DNER: variants seen among roughly 807,000 people sequenced by gnomAD.
The protein encoded by DNER is delta/notch like EGF repeat containing, also known as delta and Notch-like epidermal growth factor-related receptor.
In DNER, 33 loss-of-function variants were observed where a neutral mutation model predicts 78.2. The ratio of observed to expected loss-of-function variants is 0.42; its 90% CI spans 0.32 to 0.56. DNER has a LOEUF of 0.56. DNER is among the 20% of genes least tolerant of loss of function. The pLI is 0.11. For synonymous variants in DNER, 417 were observed against 384.8 expected (o/e 1.08, Z -0.98); for missense variants, 918 against 975.3 (o/e 0.94, Z 0.78).
intron 9 of DNER, among the ~76,000 whole-genome samples, chr2:229,408,658 A>G (rs920241964): frequency 6.6e-6 from 1 of 152,190 alleles, no homozygotes; most frequent in African/African-American, 2.4e-5. Flanking sequence ...AGGCACTGAA[A>G]TCATCCTTGC....
chr2:229,643,532 C>T (rs1698664593), intron 1 of DNER, among the ~76,000 whole-genome samples: 2 of 152,326 alleles, frequency 1.3e-5, no homozygotes, highest in East Asian at 1.9e-4. Flanking sequence ...TCTGCCTGGT[C>T]TTCCATCCCA....
chr2:229,435,448 T>C (rs992310962), intron 8 of DNER, among the ~76,000 whole-genome samples: 3 of 152,186 alleles, frequency 2.0e-5, no homozygotes, highest in African/African-American at 7.2e-5. Context: ...AGCCATCAAG[T>C]CTTGGAATGT....
intron 1 of DNER, among the ~76,000 whole-genome samples, chr2:229,628,056 A>G (rs1698375068): frequency 6.6e-6 from 1 of 152,174 alleles, no homozygotes; most frequent in Non-Finnish European, 1.5e-5. Context: ...CCATCATGCC[A>G]GGTCCAGGAA....
At chr2:229,597,071 A>G (rs1471751176) in intron 1 of DNER, among the ~76,000 whole-genome samples, 2 of 151,710 alleles carry the variant, frequency 1.3e-5, no homozygotes, top group Non-Finnish European at 2.9e-5. Context: ...ACAAATGAAC[A>G]CAAACATGTG....
intron 10 of DNER, among the ~76,000 whole-genome samples, chr2:229,394,533 G>A (rs916828836): frequency 7.9e-5 from 12 of 152,238 alleles, no homozygotes; most frequent in Admixed American, 1.3e-4. Flanking sequence ...GGAATGAAGC[G>A]TCTGTGTGGG....
chr2:229,711,684 G>A (rs1699915338), intron 1 of DNER, among the ~76,000 whole-genome samples: 1 of 152,174 alleles, frequency 6.6e-6, no homozygotes, highest in Non-Finnish European at 1.5e-5. Context: ...AGAAGGAGGA[G>A]TGACGCTCTG....
At chr2:229,607,024 T>C (rs576174501) in intron 1 of DNER, among the ~76,000 whole-genome samples, 2 of 152,184 alleles carry the variant, frequency 1.3e-5, no homozygotes, top group South Asian at 4.2e-4. Flanking sequence ...CAGACTCTTA[T>C]CAAATCAGCA....
At position 229,447,506 on chromosome 2, in the gene DNER, G is replaced by A. The variant is rs1169945131; in HGVS notation, c.1296C>T (p.Asp432=). The change falls in exon 8 of 13, where the codon GAC becomes GAT. Residue 432 remains aspartate, a synonymous_variant. Transcript: ENST00000341772. The part of the protein sequence containing the change: ...YFGSACEEKV[D]PCASSPCQNN... ...TCTGGCACGGAGACGAGGCGCAGGG[G>A]TCCACCTTTTCTTCACAAGCAGATC... 3 of 1,614,034 alleles carry A rather than the reference G, an allele frequency of 1.9e-6. No individual in the cohort carries two copies. Among genetic ancestry groups the A allele is most frequent in the East Asian group, 2.2e-5 (1 of 44,888 alleles).
At chr2:229,598,916 T>C (rs1016590618) in intron 1 of DNER, among the ~76,000 whole-genome samples, 1 of 152,070 alleles carries the variant, frequency 6.6e-6, no homozygotes, top group African/African-American at 2.4e-5. Context: ...ATTCTATTGA[T>C]AGCCACTAAG....
chr2:229,605,237 A>C (rs1403040484), intron 1 of DNER, among the ~76,000 whole-genome samples: 1 of 152,198 alleles, frequency 6.6e-6, no homozygotes, highest in Non-Finnish European at 1.5e-5. Context: ...GATGGTCACA[A>C]CAGAGACGGG....
At chr2:229,404,039 T>C in intron 10 of DNER, among the ~76,000 whole-genome samples, 1 of 151,526 alleles carries the variant, frequency 6.6e-6, no homozygotes, top group Middle Eastern at 3.2e-3. Flanking sequence ...GGATTAGGAG[T>C]CAGGAGGAAT....
rs560919464 is a variant in DNER, at chr2:229,632,577, G to C, written c.277-40689C>G. 2.6e-5 allele frequency among the ~76,000 whole-genome samples: 4 copies of C among 152,274 alleles called. No individual in the cohort carries two copies. The South Asian group carries it at 8.3e-4, about 32-fold the overall frequency. The stretch of plus-strand genomic sequence containing the variant: ...CAGGAATTTTTGTGCAGGATGGGAG[G>C]CTGGAGCAACTCACCAAATAATTAT... On this transcript the variant is annotated intron_variant, in intron 1 of 12. Coordinates refer to ENST00000341772, the MANE Select transcript of DNER (RefSeq NM_139072.4).
intron 6 of DNER, among the ~76,000 whole-genome samples, chr2:229,508,465 T>C (rs1017021896): frequency 2.0e-5 from 3 of 152,182 alleles, no homozygotes; most frequent in Non-Finnish European, 4.4e-5. Context: ...AGTGAAAAAG[T>C]AAGTGCCAGA....
In DNER at chr2:229,366,928, A is replaced by C. The variant is rs561051341; in HGVS notation, c.2047T>G (p.Cys683Gly). The C allele has an allele frequency of 5.1e-5, 82 of 1,614,206 alleles. No individual in the cohort carries two copies. The East Asian group carries it at 1.5e-3, about 29-fold the overall frequency. ...CTGAACTCGCTGTCGATGCTGCGGC[A>C]GTTGTAGAACTCCTCATAGGCTGGC... Reference protein sequence around the residue: ...SRPAYEEFYNCRSIDSEFSNA... With the variant: ...SRPAYEEFYNGRSIDSEFSNA... Residue 683 changes from cysteine (C) to glycine (G), a missense_variant, in exon 12 of 13, where the codon TGC (cysteine) becomes GGC (glycine). Transcript: ENST00000341772.
chr2:229,439,661 C>T (rs1694193362), intron 8 of DNER, among the ~76,000 whole-genome samples: 2 of 152,212 alleles, frequency 1.3e-5, no homozygotes, highest in Admixed American at 1.3e-4. Context: ...TTTTCAACCA[C>T]ATAGTAAGAG....
At chr2:229,637,794 T>G (rs933830777) in intron 1 of DNER, among the ~76,000 whole-genome samples, 2 of 152,230 alleles carry the variant, frequency 1.3e-5, no homozygotes, top group Non-Finnish European at 2.9e-5. Flanking sequence ...AAAAGCAGCC[T>G]TGAACATCAT....
At chr2:229,422,025 G>T (rs1206151177) in intron 8 of DNER, among the ~76,000 whole-genome samples, 1 of 152,078 alleles carries the variant, frequency 6.6e-6, no homozygotes, top group Non-Finnish European at 1.5e-5. Flanking sequence ...TTATTTTACA[G>T]AGATAATTAA....
chr2:229,419,908 G>A (rs1250844896), intron 8 of DNER, among the ~76,000 whole-genome samples: 1 of 147,978 alleles, frequency 6.8e-6, no homozygotes, highest in Non-Finnish European at 1.5e-5. Context: ...AGGGGGAGGG[G>A]TTGCTGCTGG....
chr2:229,600,084 G>T (rs1436558411), intron 1 of DNER, among the ~76,000 whole-genome samples: 2 of 152,158 alleles, frequency 1.3e-5, no homozygotes, highest in African/African-American at 2.4e-5. Flanking sequence ...TAGAAACCTG[G>T]ATCTTTCAAC....
Sources: allele counts gnomAD v4.1 joint callset (sites outside exome capture counted in the v4.1 genomes callset), GRCh38; gene constraint gnomAD v4.1.1; transcripts MANE v1.5; gene names NCBI Gene and HGNC (gene_info 2026-07-23, HGNC 2026-07-21).